ADGRE3: variants seen among roughly 807,000 people sequenced by gnomAD.
The protein encoded by ADGRE3 is adhesion G protein-coupled receptor E3, also known as EGF-like module receptor 3.
In ADGRE3, 88 loss-of-function variants were observed where a neutral mutation model predicts 80.1. The ratio of observed to expected loss-of-function variants is 1.10; its 90% confidence interval spans 0.93 to 1.31. The LOEUF is 1.31. Among genes scored for constraint, ADGRE3 ranks in the 40% most tolerant of loss-of-function variants. ADGRE3 has a pLI of 0.00. For missense variants in ADGRE3, 715 were observed against 776.5 expected (o/e 0.92, Z 0.94); for synonymous variants, 281 against 294.8 (o/e 0.95, Z 0.48).
In ADGRE3 at chr19:14,634,951, C is replaced by A. The variant is rs917466712; in HGVS notation, c.1485-1649G>T. 7.9e-5 allele frequency among the ~76,000 whole-genome samples: 12 copies of A among 152,260 alleles called. No homozygotes were observed. In the East Asian group the frequency reaches 2.3e-3, roughly 29 times the overall value. ...TGATATACGATCCAGACCACTATAACTCTGACTGGAAAGGGAACCAGTCAA... is the reference window on the plus strand; with the variant it reads ...TGATATACGATCCAGACCACTATAAATCTGACTGGAAAGGGAACCAGTCAA... On this transcript the variant is annotated intron_variant, in intron 11 of 15. Transcript: ENST00000253673.
chr19:14,636,141 T>TTCCTTC (rs1555755833), intron 11 of ADGRE3, among the ~76,000 whole-genome samples: 300 of 15,540 alleles, frequency 0.019, 32 homozygotes, highest in African/African-American at 0.04. Context: ...TTTCTTTCTT[T>TTCCTTC]CTTTCTTTCT....
At chr19:14,657,806 C>G (rs554075245) in intron 5 of ADGRE3, among the ~76,000 whole-genome samples, 2 of 151,856 alleles carry the variant, frequency 1.3e-5, no homozygotes, top group Admixed American at 6.6e-5. Flanking sequence ...CTCTGTCACC[C>G]AGGCTGGAGT....
chr19:14,629,912 G>T (rs1970831536), intron 14 of ADGRE3, 127 bp downstream of exon 14: 1 of 505,088 alleles, frequency 2.0e-6, no homozygotes, highest in Non-Finnish European at 3.4e-6. Context: ...AGAAAATAGA[G>T]AGAGTGTTTA....
rs563718426 is a variant in ADGRE3 at position 14,655,110 on chromosome 19, C to T, written c.449G>A (p.Arg150Lys). 7.4e-5 allele frequency: 119 copies of T among 1,614,102 alleles called. 1 individual carries two copies. The South Asian group carries it at 1.2e-3, about 16-fold the overall frequency. The change falls in exon 6 of 16, where the codon AGA becomes AAA. Residue 150 changes from arginine to lysine, a missense_variant. Transcript: ENST00000253673. ...TGAGATTTCTTGTCTCCCTTCTGTT[C>T]TCCATAAAGTCTGATTGGTGAGAAG... is the stretch of plus-strand genomic sequence containing the variant. ...ESLLTNQTLWRTEGRQEISST... is the reference protein window; with the variant it reads ...ESLLTNQTLWKTEGRQEISST...
intron 13 of ADGRE3, among the ~76,000 whole-genome samples, chr19:14,632,064 G>A (rs10423527): frequency 0.5 from 75,470 of 151,906 alleles, 19,102 homozygotes; most frequent in Non-Finnish European, 0.53. Flanking sequence ...TATTATACAA[G>A]ATATCTTTTA....
chr19:14,610,260 T>G, the ADGRE3 span: 1 of 1,535,434 alleles, frequency 6.5e-7, no homozygotes, highest in South Asian at 1.2e-5. Context: ...TCTCCTGCCC[T>G]TTCGTGGACG....
chr19:14,665,936 G>GTATATATATGCATACACATATA (rs71166783), intron 2 of ADGRE3, among the ~76,000 whole-genome samples: 1 of 42,098 alleles, frequency 2.4e-5, no homozygotes, highest in African/African-American at 1.1e-4. Flanking sequence ...ACACATATGT[G>GTATATATATGCATACACATATA]TATATATATA....
the ADGRE3 span, among the ~76,000 whole-genome samples, chr19:14,604,097 T>C: frequency 6.6e-6 from 1 of 152,110 alleles, no homozygotes; most frequent in African/African-American, 2.4e-5. Context: ...CATTCTGGGG[T>C]CTAAGACACT....
chr19:14,641,348 A>G, intron 10 of ADGRE3, 71 bp downstream of exon 10: 1 of 1,567,052 alleles, frequency 6.4e-7, no homozygotes, highest in Non-Finnish European at 8.8e-7. Context: ...TAAGGAATCT[A>G]GTGCAGCATT....
intron 2 of ADGRE3, among the ~76,000 whole-genome samples, chr19:14,665,936 G>GTATATATATGCACATA (rs71166783): frequency 2.4e-5 from 1 of 42,098 alleles, no homozygotes; most frequent in Admixed American, 3.2e-4. Context: ...ACACATATGT[G>GTATATATATGCACATA]TATATATATA....
At chr19:14,614,021 G>C in the ADGRE3 span, among the ~76,000 whole-genome samples, 1 of 152,110 alleles carries the variant, frequency 6.6e-6, no homozygotes. Flanking sequence ...TTCTCAGGAC[G>C]TGGCCCAGGC....
intron 2 of ADGRE3, among the ~76,000 whole-genome samples, chr19:14,665,934 G>A (rs7260238): frequency 3.4e-4 from 3 of 8,746 alleles, no homozygotes; most frequent in South Asian, 5.5e-3. Context: ...ACACACATAT[G>A]TGTATATATA....
intron 2 of ADGRE3, among the ~76,000 whole-genome samples, chr19:14,666,766 CAG>C (rs904169688): frequency 1.4e-4 from 22 of 152,160 alleles, no homozygotes; most frequent in African/African-American, 4.8e-4. Context: ...CCTGGGGGGA[CAG>C]GGAGAGGTGG....
chr19:14,671,366 T>G (rs1386939586), intron 1 of ADGRE3, among the ~76,000 whole-genome samples: 1 of 152,138 alleles, frequency 6.6e-6, no homozygotes, highest in African/African-American at 2.4e-5. Flanking sequence ...AGAAGCTGCC[T>G]GCATTTCTTG....
At chr19:14,620,537 T>TATGAC (rs1415988959) in intron 15 of ADGRE3, among the ~76,000 whole-genome samples, 1 of 18,448 alleles carries the variant, frequency 5.4e-5, no homozygotes, top group Non-Finnish European at 8.9e-5. Context: ...TATATATATT[T>TATGAC]TATATATATA....
intron 14 of ADGRE3, among the ~76,000 whole-genome samples, chr19:14,629,469 C>T (rs1306668609): frequency 6.6e-6 from 1 of 152,154 alleles, no homozygotes; most frequent in East Asian, 1.9e-4. Flanking sequence ...CTTTCTTTGG[C>T]TAATGGGATA....
the ADGRE3 span, chr19:14,610,213 TG>T: frequency 6.4e-7 from 1 of 1,550,962 alleles, no homozygotes. Context: ...GGGCCGAGGC[TG>T]GGGGTCCATA....
chr19:14,633,482 G>A (rs903566214), intron 11 of ADGRE3, among the ~76,000 whole-genome samples, 180 bp from the exon 12 acceptor site: 2 of 152,090 alleles, frequency 1.3e-5, no homozygotes, highest in Middle Eastern at 3.4e-3. Flanking sequence ...CGAGATGGGC[G>A]GCTCACGAAG....
Position 14,623,296 on chromosome 19 carries a change from AAAT to A in ADGRE3, c.1920+2193_1920+2195del, listed in dbSNP as rs1475709070. On this transcript the variant is annotated intron_variant, in intron 15 of 15. Coordinates refer to ENST00000253673, the MANE Select transcript of ADGRE3 (RefSeq NM_032571.5). ...ATGCCTAAAATACTTAAAAAAAAAA[AAAT>A]AAAAAAAAAAAAAAATAAAACTCCT... is the stretch of plus-strand genomic sequence containing the variant. 2.0e-3 allele frequency among the ~76,000 whole-genome samples: 46 copies of A among 22,514 alleles called. 8 individuals carry two copies. In the South Asian group the frequency reaches 0.047, roughly 23 times the overall value. 14.8% of individuals were successfully genotyped at this position (22,514 alleles called of 152,430 possible). A position where few individuals can be genotyped will look rare whatever the true frequency, so the allele number is the denominator to read the frequency against.
Sources: allele counts gnomAD v4.1 joint callset (sites outside exome capture counted in the v4.1 genomes callset), GRCh38; gene constraint gnomAD v4.1.1; transcripts MANE v1.5; gene names NCBI Gene and HGNC (gene_info 2026-07-23, HGNC 2026-07-21).